SUSD4: variants seen among roughly 807,000 people sequenced by gnomAD.
SUSD4 encodes the protein sushi domain containing 4, also known as sushi domain-containing protein 4.
Under a neutral mutation model 50.5 loss-of-function variants are expected in SUSD4, and 41 were observed. The observed-to-expected ratio is 0.81, with a 90% CI of 0.63 to 1.05. SUSD4 has a LOEUF of 1.05. Ranked by LOEUF, SUSD4 falls within the 50% of genes least tolerant of loss-of-function variation. The pLI is 0.00. For missense variants in SUSD4, 580 were observed against 634.7 expected, an observed-to-expected ratio of 0.91 and a Z score of 0.93; for synonymous variants, 257 against 257.3, an observed-to-expected ratio of 1.00 and a Z score of 0.01.
intron 3 of SUSD4, among the ~76,000 whole-genome samples, chr1:223,273,425 A>C (rs1663049067): frequency 6.6e-6 from 1 of 152,212 alleles, no homozygotes; most frequent in African/African-American, 2.4e-5. Context: ...TCAGCTCCTG[A>C]GAGGTAACCT....
intron 2 of SUSD4, among the ~76,000 whole-genome samples, chr1:223,309,318 ACACCCG>A (rs1331778784): frequency 7.2e-5 from 11 of 152,338 alleles, no homozygotes; most frequent in Admixed American, 3.9e-4. Context: ...GAGTGCACTT[ACACCCG>A]CACTCTGCTG....
intron 2 of SUSD4, chr1:223,360,264 G>A (rs1474731030): frequency 2.1e-6 from 1 of 470,312 alleles, no homozygotes; most frequent in Admixed American, 2.4e-5. Context: ...GGGGGTGGGG[G>A]GCACTCTGGG....
chr1:223,332,696 G>T lies in SUSD4; in HGVS notation c.148+30582C>A, dbSNP rs975556388. On this transcript the variant is annotated intron_variant, in intron 2 of 8. Coordinates refer to ENST00000366878, the MANE Select transcript of SUSD4 (RefSeq NM_017982.4). This position sits in a 1 kb window ranked among gnomAD's most constrained non-coding sequence, Gnocchi z 4.0. ...GCCGTGGGGAGACAGGCATCTCCTC[G>T]GACAAGCCTCTCCTTCAGGGCGTGT... 6.6e-6 allele frequency among the ~76,000 whole-genome samples: 1 copy of T among 152,080 alleles called. No homozygotes were observed. The highest frequency in any genetic ancestry group is 2.4e-5 in the African/African-American group (1 of 41,386).
At chr1:223,324,573 A>G (rs1337517457) in intron 2 of SUSD4, among the ~76,000 whole-genome samples, 1 of 151,966 alleles carries the variant, frequency 6.6e-6, no homozygotes, top group Non-Finnish European at 1.5e-5. Context: ...GATCAGTAAG[A>G]CACAAATGCA....
intron 2 of SUSD4, among the ~76,000 whole-genome samples, chr1:223,329,469 C>T (rs1400960): frequency 0.15 from 22,429 of 152,204 alleles, 1,945 homozygotes; most frequent in South Asian, 0.23. Context: ...ACTTTCCCTC[C>T]TCTAGCTTTT....
intron 3 of SUSD4, among the ~76,000 whole-genome samples, chr1:223,286,282 A>AT (rs1558215956): frequency 6.6e-6 from 1 of 152,038 alleles, no homozygotes; most frequent in African/African-American, 2.4e-5. Context: ...CGCCTGGCTA[A>AT]TTTTTTGTAT....
chr1:223,222,192 T>A lies in SUSD4; in HGVS notation c.1473A>T (p.Ter491TyrextTer7). 6.2e-7 allele frequency: 1 copy of A among 1,613,562 alleles called. No homozygotes were observed. The highest frequency in any genetic ancestry group is 8.5e-7 in the Non-Finnish European group (1 of 1,179,766). Reference protein sequence around the residue: ...DEIPLMEEDP* With the variant: ...DEIPLMEEDPY ...AGAGTCATCTGGATCTTGACCCATA[T>A]TAGGGATCTTCTTCCATTAGAGGAA... Residue 491 changes from the stop codon to tyrosine (Y), a stop_lost, in exon 9 of 9, where the codon TAA becomes TAT. Coordinates refer to ENST00000366878, the MANE Select transcript of SUSD4 (RefSeq NM_017982.4).
intron 5 of SUSD4, among the ~76,000 whole-genome samples, chr1:223,234,576 GTT>G (rs2103009690): frequency 6.6e-6 from 1 of 152,308 alleles, no homozygotes; most frequent in South Asian, 2.1e-4. Flanking sequence ...ACCAGAGGTG[GTT>G]CCCTGTCCAC....
intron 3 of SUSD4, among the ~76,000 whole-genome samples, chr1:223,288,787 C>A (rs1441152275): frequency 6.6e-6 from 1 of 152,128 alleles, no homozygotes. Flanking sequence ...TGATTTTAGT[C>A]TCTTTAAGAT....
At chr1:223,360,399 T>C (rs1668907947) in intron 2 of SUSD4, 3 of 336,868 alleles carry the variant, frequency 8.9e-6, no homozygotes, top group South Asian at 7.1e-5. Context: ...ACCAACCTAA[T>C]ATGAGTTCTT....
chr1:223,325,400 A>C lies in SUSD4; in HGVS notation c.149-32749T>G, dbSNP rs186364215. On this transcript the variant is annotated intron_variant, in intron 2 of 8. Coordinates refer to ENST00000366878, the MANE Select transcript of SUSD4 (RefSeq NM_017982.4). ...TAATTCTACCAAATTCCAAGGAAAGAAAATTCATAATTCATATCAAGCTTC... is the reference window on the plus strand; with the variant it reads ...TAATTCTACCAAATTCCAAGGAAAGCAAATTCATAATTCATATCAAGCTTC... 6.2e-3 allele frequency among the ~76,000 whole-genome samples: 941 copies of C among 152,320 alleles called. 7 individuals are homozygous for C. Among genetic ancestry groups the C allele is most frequent in the South Asian group, 0.021 (100 of 4,826 alleles).
At chr1:223,319,736 A>G (rs1192708537) in intron 2 of SUSD4, among the ~76,000 whole-genome samples, 6 of 152,224 alleles carry the variant, frequency 3.9e-5, no homozygotes, top group African/African-American at 1.4e-4. Context: ...CTGAATTTTA[A>G]TCCACGGTTT....
chr1:223,243,694 G>A (rs1044698300), intron 5 of SUSD4, among the ~76,000 whole-genome samples: 2 of 152,184 alleles, frequency 1.3e-5, no homozygotes, highest in African/African-American at 4.8e-5. Flanking sequence ...GGCCCCCATC[G>A]GCACTGTCTG....
chr1:223,322,030 C>T (rs1233156726), intron 2 of SUSD4, among the ~76,000 whole-genome samples: 9 of 152,224 alleles, frequency 5.9e-5, no homozygotes, highest in Non-Finnish European at 1.2e-4. Flanking sequence ...CTCCAATGAG[C>T]ATTTCCTTTG....
intron 4 of SUSD4, among the ~76,000 whole-genome samples, chr1:223,265,893 C>T (rs189416437): frequency 7.2e-5 from 11 of 152,306 alleles, no homozygotes; most frequent in African/African-American, 2.2e-4. Context: ...CTTTCCCTTC[C>T]AAGTCACCAG....
intron 2 of SUSD4, among the ~76,000 whole-genome samples, chr1:223,361,620 C>G (rs927840581): frequency 9.9e-5 from 15 of 152,100 alleles, no homozygotes; most frequent in African/African-American, 2.9e-4. Context: ...CAAGCAGAAC[C>G]AAGAGCACAA....
At chr1:223,278,216 G>A (rs995987466) in intron 3 of SUSD4, among the ~76,000 whole-genome samples, 1 of 152,126 alleles carries the variant, frequency 6.6e-6, no homozygotes, top group East Asian at 1.9e-4. Flanking sequence ...AGACAGTGGG[G>A]GTAGGACAGT....
rs1664193479 is a variant in SUSD4, at chr1:223,287,075, GT to G, written c.361+5363del. 3.3e-5 allele frequency among the ~76,000 whole-genome samples: 5 copies of G among 152,256 alleles called. No individual in the cohort carries two copies. The South Asian group carries it at 1.0e-3, about 32-fold the overall frequency. On this transcript the variant is annotated intron_variant, in intron 3 of 8. Transcript: ENST00000366878. ...GGGCTCGACTTACAGAGGTAGCTTTGTTTGTTTGCTTTTGTTTTTGAGGCAA... is the reference window on the plus strand; with the variant it reads ...GGGCTCGACTTACAGAGGTAGCTTTGTTGTTTGCTTTTGTTTTTGAGGCAA...
chr1:223,345,709 T>C lies in SUSD4; in HGVS notation c.148+17569A>G, dbSNP rs575187978. On this transcript the variant is annotated intron_variant, in intron 2 of 8. Coordinates refer to ENST00000366878, the MANE Select transcript of SUSD4 (RefSeq NM_017982.4). ...CCACCTGCATGTCAAAATTTAAGTA[T>C]CTTAAGACCAAACTCATCATCTTTC... Among the ~76,000 whole-genome samples the C allele has an allele frequency of 2.4e-4, 36 of 152,350 alleles. 1 individual carries two copies. The highest frequency in any genetic ancestry group is 8.3e-4 in the South Asian group (4 of 4,830).
Sources: gnomAD v4.1 joint callset for allele counts (sites outside exome capture counted in the v4.1 genomes callset) on GRCh38, gnomAD v4.1.1 for gene constraint, Gnocchi (gnomAD v3.1) non-coding constraint, MANE v1.5 for transcripts, NCBI Gene and HGNC (gene_info 2026-07-23, HGNC 2026-07-21) for gene names.